The following SCARA5 variants were observed in gnomAD, a reference collection of about 807,000 sequenced individuals.
The protein encoded by SCARA5 is scavenger receptor class A member 5.
Under a neutral mutation model 46.3 loss-of-function variants are expected in SCARA5, and 45 were observed. The ratio of observed to expected loss-of-function variants is 0.97; its 90% confidence interval spans 0.76 to 1.24. The LOEUF is 1.24. Among genes scored for constraint, SCARA5 ranks in the 50% most tolerant of loss-of-function variants. The probability of loss-of-function intolerance (pLI) is 0.00; values close to 1 mark genes in which losing one functional copy is unlikely to be tolerated. For missense variants in SCARA5, 680 were observed against 689.0 expected (o/e 0.99, Z 0.15); for synonymous variants, 333 against 306.5 (o/e 1.09, Z -0.90).
At chr8:27,948,695 A>G (rs1026029418) in intron 3 of SCARA5, among the ~76,000 whole-genome samples, 1 of 152,224 alleles carries the variant, frequency 6.6e-6, no homozygotes, top group African/African-American at 2.4e-5. Context: ...GAGCGCAGGA[A>G]GCCTAGCTGT....
chr8:27,963,756 A>G (rs959051713), intron 3 of SCARA5, among the ~76,000 whole-genome samples: 5 of 152,178 alleles, frequency 3.3e-5, no homozygotes, highest in Non-Finnish European at 7.3e-5. Context: ...ATTTTGGTGT[A>G]GTTTGATTAC....
intron 2 of SCARA5, among the ~76,000 whole-genome samples, chr8:27,971,848 C>T (rs548591022): frequency 6.6e-6 from 1 of 152,152 alleles, no homozygotes; most frequent in South Asian, 2.1e-4. Context: ...TAGATGGTTT[C>T]TCCTCTGTAG....
intron 4 of SCARA5, among the ~76,000 whole-genome samples, chr8:27,915,586 A>T (rs1807447908): frequency 6.6e-6 from 1 of 152,244 alleles, no homozygotes; most frequent in Non-Finnish European, 1.5e-5. Flanking sequence ...CCACTCTGTG[A>T]CGTCATCCCT....
chr8:27,871,830 G>T lies in SCARA5; in HGVS notation c.*104C>A. On this transcript the variant is annotated 3_prime_UTR_variant, in exon 9 of 9. Coordinates refer to ENST00000354914, the MANE Select transcript of SCARA5 (RefSeq NM_173833.6). ...GTGTGAGGACTGAGAATGCTGGACG[G>T]GGTGTGGTCGAGGCATGGTCAGGGT... 1 of 1,577,774 alleles carries T rather than the reference G, an allele frequency of 6.3e-7. No homozygotes were observed. Among genetic ancestry groups the T allele is most frequent in the Non-Finnish European group, 8.6e-7 (1 of 1,162,286 alleles).
chr8:27,947,817 G>A (rs1296208272), intron 3 of SCARA5, among the ~76,000 whole-genome samples: 1 of 152,144 alleles, frequency 6.6e-6, no homozygotes, highest in Middle Eastern at 3.2e-3. Context: ...AGAGGTTGCA[G>A]TGAGCTGAGA....
chr8:27,889,370 A>G (rs1806947327), intron 7 of SCARA5, among the ~76,000 whole-genome samples: 1 of 152,246 alleles, frequency 6.6e-6, no homozygotes, highest in African/African-American at 2.4e-5. Context: ...ATGATGGTGA[A>G]GCATAGCATT....
chr8:27,921,591 C>A lies in SCARA5; in HGVS notation c.896G>T (p.Arg299Leu), dbSNP rs762375303. Residue 299 changes from arginine (R) to leucine (L), a missense_variant, in exon 4 of 9, where the codon CGG (arginine) becomes CTG (leucine). Physicochemically the swap from Arg to Leu is moderately radical, Grantham distance 102 (BLOSUM62 -2). Transcript: ENST00000354914. ...LKDWEHSIAL[R>L]NISLAKGPPG... ...GGTACCTTTCGCGAGGGAGATGTTC[C>A]GCAGTGCGATGGAGTGCTCCCAGTC... 6.4e-7 allele frequency: 1 copy of A among 1,562,846 alleles called. No individual in the cohort carries two copies.
At chr8:27,894,936 G>A (rs1807039542) in intron 7 of SCARA5, among the ~76,000 whole-genome samples, 1 of 152,182 alleles carries the variant, frequency 6.6e-6, no homozygotes, top group Admixed American at 6.5e-5. Context: ...CATTTGAGGG[G>A]CTCTGAGAAC....
Position 27,978,956 on chromosome 8 carries a change from A to G in SCARA5, c.112+8548T>C, listed in dbSNP as rs576659471. Among the ~76,000 whole-genome samples, 307 of 152,096 alleles carry G rather than the reference A, an allele frequency of 2.0e-3. 2 individuals are homozygous for G. The highest frequency in any genetic ancestry group is 7.0e-3 in the African/African-American group (290 of 41,492). On this transcript the variant is annotated intron_variant, in intron 2 of 8. Transcript: ENST00000354914. ...CCTACTCCACTCCAGGATCCACGTT[A>G]TCAGGTAACACACTCCCACTCCTCA... is the stretch of plus-strand genomic sequence containing the variant.
At chr8:27,945,142 G>A (rs1267868903) in intron 3 of SCARA5, among the ~76,000 whole-genome samples, 1 of 151,834 alleles carries the variant, frequency 6.6e-6, no homozygotes, top group African/African-American at 2.4e-5. Context: ...CTCCAGCCTG[G>A]GTGATGGGAA....
chr8:27,932,710 C>T (rs1807795920), intron 3 of SCARA5, among the ~76,000 whole-genome samples: 2 of 152,212 alleles, frequency 1.3e-5, no homozygotes, highest in Admixed American at 1.3e-4. Flanking sequence ...CTCACTGCAA[C>T]CTCCGCCTCC....
At chr8:27,954,658 T>C (rs938343680) in intron 3 of SCARA5, among the ~76,000 whole-genome samples, 10 of 152,252 alleles carry the variant, frequency 6.6e-5, no homozygotes, top group Admixed American at 6.5e-5. Flanking sequence ...TTGAGTTTTA[T>C]ACATATGCCA....
intron 3 of SCARA5, among the ~76,000 whole-genome samples, chr8:27,923,214 G>A (rs1190826192): frequency 4.6e-5 from 7 of 152,178 alleles, no homozygotes; most frequent in Non-Finnish European, 8.8e-5. Context: ...AGAGCACCCC[G>A]GCAGCAGACT....
intron 7 of SCARA5, among the ~76,000 whole-genome samples, chr8:27,882,439 T>C (rs1016439511): frequency 3.3e-5 from 5 of 152,186 alleles, no homozygotes; most frequent in African/African-American, 9.6e-5. Flanking sequence ...TTCTCTCCAC[T>C]GTTTGAGACC....
At chr8:27,916,392 C>T (rs1340500443) in intron 4 of SCARA5, among the ~76,000 whole-genome samples, 2 of 138,174 alleles carry the variant, frequency 1.4e-5, no homozygotes, top group South Asian at 2.5e-4. Context: ...TTTGTATGTG[C>T]ATATGTATAC....
chr8:27,922,000 T>C lies in SCARA5; in HGVS notation c.487A>G (p.Thr163Ala), dbSNP rs772083997. The change falls in exon 4 of 9, where the codon ACC (threonine) becomes GCC (alanine). Residue 163 changes from threonine (T) to alanine (A), a missense_variant. Coordinates refer to ENST00000354914, the MANE Select transcript of SCARA5 (RefSeq NM_173833.6). Reference protein sequence around the residue: ...LWGLQAQAVQTEQAVALLRDR... With the variant: ...LWGLQAQAVQAEQAVALLRDR... ...CGCAGCAGGGCCACCGCCTGCTCGG[T>C]CTGCACCGCCTGCGCCTGCAGCCCC... The C allele has an allele frequency of 5.0e-5, 78 of 1,562,206 alleles. No individual in the cohort carries two copies. In the Middle Eastern group the frequency reaches 5.1e-4, roughly 10 times the overall value.
chr8:27,926,732 G>A (rs1807686321), intron 3 of SCARA5, among the ~76,000 whole-genome samples: 1 of 152,204 alleles, frequency 6.6e-6, no homozygotes, highest in African/African-American at 2.4e-5. Flanking sequence ...AGAATCCTGA[G>A]AGGTTTCTTT....
intron 4 of SCARA5, among the ~76,000 whole-genome samples, chr8:27,915,854 T>A (rs1807452449): frequency 6.6e-6 from 1 of 152,162 alleles, no homozygotes; most frequent in Non-Finnish European, 1.5e-5. Flanking sequence ...ATGCTGTGAT[T>A]CCAGAAAACC....
At chr8:27,914,865 G>A (rs1807436431) in intron 4 of SCARA5, among the ~76,000 whole-genome samples, 1 of 152,180 alleles carries the variant, frequency 6.6e-6, no homozygotes. Context: ...CAGGCATTCA[G>A]GAGAAGCACC....
Sources: gnomAD v4.1 joint callset for allele counts (sites outside exome capture counted in the v4.1 genomes callset) on GRCh38, gnomAD v4.1.1 for gene constraint, MANE v1.5 for transcripts, NCBI Gene and HGNC (gene_info 2026-07-23, HGNC 2026-07-21) for gene names.